Variants in ABHD12 observed in about 807,000 individuals in gnomAD.
ABHD12 encodes abhydrolase domain containing 12, lysophospholipase, also known as lysophosphatidylserine lipase ABHD12.
In ABHD12, 43 loss-of-function variants were observed where a neutral mutation model predicts 58.3. The observed-to-expected ratio is 0.74, with a 90% CI of 0.58 to 0.95. The LOEUF (loss-of-function observed/expected upper bound fraction) is 0.95. Ranked by LOEUF, ABHD12 falls within the 40% of genes least tolerant of loss-of-function variation. The pLI is 0.00. For synonymous variants in ABHD12, 219 were observed against 211.2 expected (o/e 1.04, Z -0.32); for missense variants, 539 against 537.2 (o/e 1.00, Z -0.03).
intron 1 of ABHD12, among the ~76,000 whole-genome samples, chr20:25,372,467 A>C (rs1271005720): frequency 1.3e-5 from 2 of 152,022 alleles, no homozygotes; most frequent in African/African-American, 4.8e-5. Flanking sequence ...GGCCTCCCAA[A>C]GTGTTTGGAT....
At chr20:25,307,436 T>C (rs2088765784) in intron 9 of ABHD12, among the ~76,000 whole-genome samples, 1 of 150,916 alleles carries the variant, frequency 6.6e-6, no homozygotes, top group Non-Finnish European at 1.5e-5. Context: ...CAAACCAGAG[T>C]GAGAAGGAGG....
At chr20:25,342,744 C>T (rs1415423251) in intron 1 of ABHD12, among the ~76,000 whole-genome samples, 1 of 152,046 alleles carries the variant, frequency 6.6e-6, no homozygotes, top group Non-Finnish European at 1.5e-5. Flanking sequence ...GACCACCATA[C>T]CCAGCCAGGT....
intron 1 of ABHD12, among the ~76,000 whole-genome samples, chr20:25,349,203 T>A (rs943948617): frequency 3.3e-5 from 5 of 151,870 alleles, no homozygotes; most frequent in Admixed American, 1.3e-4. Flanking sequence ...GAAAATGGAA[T>A]CAATATAGCA....
intron 1 of ABHD12, among the ~76,000 whole-genome samples, chr20:25,372,240 C>T (rs2089908157): frequency 6.7e-6 from 1 of 149,730 alleles, no homozygotes; most frequent in South Asian, 2.1e-4. Flanking sequence ...TTTTAAGAAA[C>T]AAGATCTTAC....
rs1178773034 is a variant in ABHD12, at chr20:25,390,645, G to A, written c.59C>T (p.Ser20Leu). Residue 20 changes from serine to leucine, a missense_variant, in exon 1 of 13, where the codon TCG becomes TTG. Coordinates refer to ENST00000339157, the MANE Select transcript of ABHD12 (RefSeq NM_001042472.3). ...CGCGGCGGCCGAGCCGGAGGAGGAC[G>A]AGCCCGCGGCGGCGCAGCGCTCATG... ...LEHERCAAAG[S>L]SSSGSAAAAL... 8 of 1,447,480 alleles carry A rather than the reference G, an allele frequency of 5.5e-6. No individual in the cohort carries two copies. The highest frequency in any genetic ancestry group is 6.3e-6 in the Non-Finnish European group (7 of 1,104,510). 89.7% of individuals were successfully genotyped at this position (1,447,480 alleles called of 1,614,324 possible).
At position 25,300,529 on chromosome 20, in the gene ABHD12, C is replaced by CA; in HGVS notation, c.*315dup. ...GTCCCCTGCCCGGACTCCCCCTGTC[C>CA]AGCTCAGTGCAGCATCAAGCAGGCA... On this transcript the variant is annotated 3_prime_UTR_variant, in exon 13 of 13. Transcript: ENST00000339157. 7.4e-7 allele frequency: 1 copy of CA among 1,355,356 alleles called. No homozygotes were observed. 84.0% of individuals were successfully genotyped at this position (1,355,356 alleles called of 1,614,324 possible). A position where few individuals can be genotyped will look rare whatever the true frequency, so the allele number is the denominator to read the frequency against.
chr20:25,339,838 C>CA, intron 1 of ABHD12: 2 of 1,105,598 alleles, frequency 1.8e-6, no homozygotes, highest in Non-Finnish European at 2.3e-6. Context: ...ACCAGGTCCT[C>CA]AGAGAGCAGG....
intron 12 of ABHD12, chr20:25,295,093 T>C: frequency 6.6e-7 from 1 of 1,503,970 alleles, no homozygotes; most frequent in East Asian, 2.3e-5. Context: ...TGCTTCTGAC[T>C]CGATAGTGAA....
At chr20:25,329,561 T>C (rs2089233599) in intron 2 of ABHD12, among the ~76,000 whole-genome samples, 1 of 152,188 alleles carries the variant, frequency 6.6e-6, no homozygotes. Context: ...GAAGTGAGAA[T>C]GTGAGTGAAT....
chr20:25,368,429 A>G, intron 1 of ABHD12: 1 of 1,599,424 alleles, frequency 6.3e-7, no homozygotes, highest in Non-Finnish European at 8.5e-7. Context: ...GGCAGTGCAG[A>G]TGAAAAACTG....
intron 1 of ABHD12, among the ~76,000 whole-genome samples, chr20:25,384,156 GAA>G (rs10708204): frequency 8.7e-5 from 12 of 138,590 alleles, no homozygotes; most frequent in African/African-American, 2.4e-4. Context: ...AAAAAAAAAA[GAA>G]AAAAAAAAAT....
chr20:25,339,557 C>G, intron 1 of ABHD12: 10 of 1,433,676 alleles, frequency 7.0e-6, no homozygotes, highest in Non-Finnish European at 9.6e-6. Flanking sequence ...TAGAACTCTA[C>G]TGGGGGTAAG....
intron 4 of ABHD12, among the ~76,000 whole-genome samples, chr20:25,317,527 T>C (rs562549050): frequency 6.6e-6 from 1 of 152,326 alleles, no homozygotes; most frequent in African/African-American, 2.4e-5. Context: ...CACACCACCC[T>C]GGCCTCTCAT....
At chr20:25,390,489 C>CA (rs2090158748) in intron 1 of ABHD12, 24 bp downstream of exon 1, 1 of 1,271,062 alleles carries the variant, frequency 7.9e-7, no homozygotes, top group Non-Finnish European at 1.0e-6. Flanking sequence ...CCCCCCCCCC[C>CA]CCCCGCTCCG....
chr20:25,305,217 G>A (rs895170408), intron 10 of ABHD12, among the ~76,000 whole-genome samples: 1 of 151,926 alleles, frequency 6.6e-6, no homozygotes, highest in Admixed American at 6.6e-5. Flanking sequence ...AAACAAGCAG[G>A]GTTTGTTGCT....
At chr20:25,303,754 C>CT in intron 10 of ABHD12, 126 bp from the exon 11 acceptor site, 1 of 1,335,468 alleles carries the variant, frequency 7.5e-7, no homozygotes, top group South Asian at 1.3e-5. Context: ...TGCTGGATTT[C>CT]TTTTTACTAG....
chr20:25,354,078 CCTTTAAT>C lies in ABHD12; in HGVS notation c.192-14734_192-14728del, dbSNP rs1600843000. Among the ~76,000 whole-genome samples, 3 of 152,188 alleles carry C rather than the reference CCTTTAAT, an allele frequency of 2.0e-5. No homozygotes were observed. The East Asian group carries it at 5.8e-4, about 29-fold the overall frequency. ...GCCATCCTGGAGCGGCCAAATAAAG[CCTTTAAT>C]CTTTAAGGACGGGGAGGTTCTTATT... On this transcript the variant is annotated intron_variant, in intron 1 of 12. Transcript: ENST00000339157.
intron 2 of ABHD12, among the ~76,000 whole-genome samples, chr20:25,326,326 T>C (rs567783189): frequency 2.8e-4 from 42 of 152,212 alleles, no homozygotes; most frequent in Non-Finnish European, 5.3e-4. Flanking sequence ...AAAGGACTTA[T>C]AGCGCCAATA....
chr20:25,347,643 CAG>C (rs1568748436), intron 1 of ABHD12, among the ~76,000 whole-genome samples: 1 of 141,966 alleles, frequency 7.0e-6, no homozygotes. Context: ...CTGGGCAAAA[CAG>C]GGAGACTCTG....
Sources: gnomAD v4.1 joint callset for allele counts (sites outside exome capture counted in the v4.1 genomes callset) on GRCh38, gnomAD v4.1.1 for gene constraint, MANE v1.5 for transcripts, NCBI Gene and HGNC (gene_info 2026-07-23, HGNC 2026-07-21) for gene names.